ZFP14: variants seen among roughly 807,000 people sequenced by gnomAD.
ZFP14 encodes the protein ZFP14 zinc finger protein.
In ZFP14, 22 loss-of-function variants were observed where a neutral mutation model predicts 54.5. The ratio of observed to expected loss-of-function variants is 0.40; its 90% confidence interval spans 0.29 to 0.58. The LOEUF is 0.58. Among genes scored for constraint, ZFP14 ranks in the 20% least tolerant of loss-of-function variants. ZFP14 has a pLI of 0.39. For synonymous variants in ZFP14, 159 were observed against 204.0 expected (o/e 0.78, Z 1.88); for missense variants, 470 against 637.8 (o/e 0.74, Z 2.83).
At position 36,336,499 on chromosome 19, in the gene ZFP14, A is replaced by C. The variant is rs1323056724; in HGVS notation, c.*3725T>G. 1 of 152,216 alleles carries C rather than the reference A, an allele frequency of 6.6e-6. No individual in the cohort carries two copies. The highest frequency in any genetic ancestry group is 2.4e-5 in the African/African-American group (1 of 41,432). The allele number at this position is 152,216 out of a possible 1,614,324, so 9.4% of individuals were successfully genotyped here. A position where few individuals can be genotyped will look rare whatever the true frequency, so the allele number is the denominator to read the frequency against. Reference sequence around the variant, plus strand: ...GGTGATCCACCTGCCATGGCCTCCCAAAGTGCTGGGATTACAGGCATGAGC... The same window carrying C: ...GGTGATCCACCTGCCATGGCCTCCCCAAGTGCTGGGATTACAGGCATGAGC... On this transcript the variant is annotated 3_prime_UTR_variant, in exon 5 of 5. Coordinates refer to ENST00000270001, the MANE Select transcript of ZFP14 (RefSeq NM_020917.3).
chr19:36,365,178 T>G (rs572122940), intron 2 of ZFP14, among the ~76,000 whole-genome samples: 11 of 152,018 alleles, frequency 7.2e-5, no homozygotes, highest in Non-Finnish European at 1.5e-5. Flanking sequence ...TCCCATTATG[T>G]GAAATCAGAG....
At chr19:36,356,788 C>G (rs1468835391) in intron 4 of ZFP14, among the ~76,000 whole-genome samples, 1 of 152,060 alleles carries the variant, frequency 6.6e-6, no homozygotes. Context: ...GAAATTCACC[C>G]AAGTTGTTGC....
intron 1 of ZFP14, 138 bp from the exon 2 acceptor site, chr19:36,368,109 C>T (rs1267546721): frequency 2.0e-6 from 1 of 512,382 alleles, no homozygotes; most frequent in East Asian, 3.0e-5. Flanking sequence ...AAGTACCACC[C>T]ACCACTATGC....
At chr19:36,375,721 G>C (rs4006082) in intron 1 of ZFP14, among the ~76,000 whole-genome samples, 102,900 of 151,666 alleles carry the variant, frequency 0.68, 35,179 homozygotes, top group African/African-American at 0.75. Context: ...CCATGCCCGG[G>C]TAATTTTTTG....
At chr19:36,377,236 G>A (rs2031976878) in intron 1 of ZFP14, among the ~76,000 whole-genome samples, 1 of 152,102 alleles carries the variant, frequency 6.6e-6, no homozygotes, top group Admixed American at 6.6e-5. Flanking sequence ...CATCTAAACT[G>A]TAAACTCCTC....
chr19:36,344,967 C>G (rs2031387205), intron 4 of ZFP14, among the ~76,000 whole-genome samples: 1 of 152,050 alleles, frequency 6.6e-6, no homozygotes, highest in Non-Finnish European at 1.5e-5. Flanking sequence ...GCTACACTTA[C>G]TCAAACTTTT....
chr19:36,338,529 A>AG lies in ZFP14; in HGVS notation c.*1694_*1695insC, dbSNP rs2031248248. On this transcript the variant is annotated 3_prime_UTR_variant, in exon 5 of 5. Transcript: ENST00000270001. ...AGTGAGACCCTTTCTCTAAAAAAAA[A>AG]AAAAAAATTTAGGTGGAAGAATCAC... The AG allele has an allele frequency of 6.6e-6, 1 of 152,022 alleles. No homozygotes were observed. 9.4% of individuals were successfully genotyped at this position (152,022 alleles called of 1,614,324 possible).
At position 36,339,987 on chromosome 19, in the gene ZFP14, G is replaced by T; in HGVS notation, c.*237C>A. On this transcript the variant is annotated 3_prime_UTR_variant, in exon 5 of 5. Coordinates refer to ENST00000270001, the MANE Select transcript of ZFP14 (RefSeq NM_020917.3). ...TAAATCAAACTGGTAATCAAGTGGA[G>T]AAAGGGAGATAATGACAGATAAGGC... 1 of 382,132 alleles carries T rather than the reference G, an allele frequency of 2.6e-6. No homozygotes were observed. Among genetic ancestry groups the T allele is most frequent in the Non-Finnish European group, 4.6e-6 (1 of 217,828 alleles). The allele number at this position is 382,132 out of a possible 1,614,324, so 23.7% of individuals were successfully genotyped here.
At chr19:36,361,824 G>A (rs1269467555) in intron 3 of ZFP14, among the ~76,000 whole-genome samples, 1 of 152,158 alleles carries the variant, frequency 6.6e-6, no homozygotes, top group East Asian at 1.9e-4. Context: ...AAGCATTTAT[G>A]TCAATTCTGA....
rs940083417 is a variant in ZFP14 at position 36,335,285 on chromosome 19, A to C, written c.*4939T>G. 1 of 152,158 alleles carries C rather than the reference A, an allele frequency of 6.6e-6. No individual in the cohort carries two copies. The highest frequency in any genetic ancestry group is 2.4e-5 in the African/African-American group (1 of 41,426). 9.4% of individuals were successfully genotyped at this position (152,158 alleles called of 1,614,324 possible). ...GAAGCAAACTTCTGGAGAATGTTGAATTTAGGGGTCAAACACAGGCTTTCT... is the reference window on the plus strand; with the variant it reads ...GAAGCAAACTTCTGGAGAATGTTGACTTTAGGGGTCAAACACAGGCTTTCT... On this transcript the variant is annotated 3_prime_UTR_variant, in exon 5 of 5. Transcript: ENST00000270001.
intron 4 of ZFP14, among the ~76,000 whole-genome samples, chr19:36,342,095 T>G (rs1454034178): frequency 2.0e-5 from 3 of 151,158 alleles, no homozygotes; most frequent in African/African-American, 7.3e-5. Context: ...GACCTCGTGA[T>G]CCACCCACCT....
rs748422706 is a variant in ZFP14 at position 36,338,520 on chromosome 19, TAA to T, written c.*1702_*1703del. ...GGGCAACATAGTGAGACCCTTTCTC[TAA>T]AAAAAAAAAAAAAATTTAGGTGGAA... On this transcript the variant is annotated 3_prime_UTR_variant, in exon 5 of 5. Coordinates refer to ENST00000270001, the MANE Select transcript of ZFP14 (RefSeq NM_020917.3). The T allele has an allele frequency of 1.6e-4, 22 of 135,202 alleles. No homozygotes were observed. The highest frequency in any genetic ancestry group is 2.2e-4 in the Admixed American group (3 of 13,368). The allele number at this position is 135,202 out of a possible 1,614,324, so 8.4% of individuals were successfully genotyped here. A position where few individuals can be genotyped will look rare whatever the true frequency, so the allele number is the denominator to read the frequency against.
chr19:36,377,624 T>C (rs2031983487), intron 1 of ZFP14, among the ~76,000 whole-genome samples: 1 of 150,590 alleles, frequency 6.6e-6, no homozygotes, highest in Non-Finnish European at 1.5e-5. Flanking sequence ...TTCCAGACCA[T>C]CCAAATGATT....
rs2031314234 is a variant in ZFP14 at position 36,341,490 on chromosome 19, A to G, written c.336T>C (p.Tyr112=). The G allele has an allele frequency of 6.2e-7, 1 of 1,613,694 alleles. No homozygotes were observed. Among genetic ancestry groups the G allele is most frequent in the Non-Finnish European group, 8.5e-7 (1 of 1,179,960 alleles). The part of the protein sequence containing the change: ...QWDIMERIKS[Y]SLQGSIFRND... ...TCCTAAAAATGGAACCCTGAAGGCT[A>G]TAGCTTTTAATTCTTTCCATTATAT... The change falls in exon 5 of 5, where the codon TAT becomes TAC. Residue 112 remains tyrosine (Y), a synonymous_variant. Transcript: ENST00000270001. This position sits in a 1 kb window ranked among gnomAD's most constrained non-coding sequence, Gnocchi z 4.2.
intron 4 of ZFP14, among the ~76,000 whole-genome samples, chr19:36,349,678 A>ATAT (rs754447231): frequency 0.041 from 5,930 of 145,568 alleles, 159 homozygotes; most frequent in Non-Finnish European, 0.059. Flanking sequence ...AAACAAAAAA[A>ATAT]AAATATATAT....
intron 4 of ZFP14, among the ~76,000 whole-genome samples, chr19:36,354,604 A>G (rs1189637326): frequency 1.4e-5 from 2 of 142,136 alleles, no homozygotes; most frequent in African/African-American, 5.2e-5. Flanking sequence ...AGATATTCAT[A>G]TGGCCTGGGC....
intron 4 of ZFP14, among the ~76,000 whole-genome samples, chr19:36,355,460 T>C (rs1380478573): frequency 2.1e-5 from 3 of 142,046 alleles, no homozygotes; most frequent in Non-Finnish European, 4.7e-5. Context: ...TGAGGATCAC[T>C]TGAGCCCAGG....
Position 36,340,951 on chromosome 19 carries a change from G to A in ZFP14, c.875C>T (p.Thr292Ile), listed in dbSNP as rs1262642178. Residue 292 changes from threonine to isoleucine, a missense_variant, in exon 5 of 5, where the codon ACC becomes ATC. Thr to Ile is a moderately conservative substitution (Grantham distance 89). Transcript: ENST00000270001. The surrounding 1 kb of genome is among the most constrained non-coding windows in gnomAD (Gnocchi z 5.4). ...KPYECKDCGKTFRQCTHLTRH... is the reference protein window; with the variant it reads ...KPYECKDCGKIFRQCTHLTRH... ...TGTAAGGTGTGTACACTGTCTAAAG[G>A]TCTTTCCACAGTCCTTACATTCATA... is the stretch of plus-strand genomic sequence containing the variant. 6.2e-7 allele frequency: 1 copy of A among 1,613,878 alleles called. No homozygotes were observed. The highest frequency in any genetic ancestry group is 8.5e-7 in the Non-Finnish European group (1 of 1,180,012).
chr19:36,372,097 GAGGAAGGAAGGAAGGAAGAA>G (rs1461721398), intron 1 of ZFP14, among the ~76,000 whole-genome samples: 2 of 150,164 alleles, frequency 1.3e-5, no homozygotes, highest in Non-Finnish European at 3.0e-5. Flanking sequence ...GGGAGGAAAG[GAGGAAGGAAGGAAGGAAGAA>G]AGGAAGGAAG....
Sources: allele counts gnomAD v4.1 joint callset (sites outside exome capture counted in the v4.1 genomes callset), GRCh38; gene constraint gnomAD v4.1.1; non-coding constraint Gnocchi (gnomAD v3.1); transcripts MANE v1.5; gene names NCBI Gene and HGNC (gene_info 2026-07-23, HGNC 2026-07-21).